CTNNA3: variants seen among roughly 807,000 people sequenced by gnomAD.
The protein encoded by CTNNA3 is catenin alpha 3, also known as catenin alpha-3.
Under a neutral mutation model 95.7 loss-of-function variants are expected in CTNNA3, and 76 were observed. The ratio of observed to expected loss-of-function variants is 0.79; its 90% CI spans 0.66 to 0.96. The LOEUF (loss-of-function observed/expected upper bound fraction) is 0.96. Ranked by LOEUF, CTNNA3 falls within the 40% of genes least tolerant of loss-of-function variation. CTNNA3 has a pLI of 0.00. For missense variants in CTNNA3, 1,191 were observed against 1,089.8 expected (o/e 1.09, Z -1.31); for synonymous variants, 431 against 374.4 (o/e 1.15, Z -1.74).
At chr10:66,240,399 A>T (rs7071648) in intron 13 of CTNNA3, among the ~76,000 whole-genome samples, 22,466 of 152,050 alleles carry the variant, frequency 0.15, 2,126 homozygotes, top group Admixed American at 0.25. Context: ...TATCATCCAC[A>T]TGTTTTCATC....
chr10:67,592,378 G>A (rs1193798403), intron 3 of CTNNA3, among the ~76,000 whole-genome samples: 2 of 152,092 alleles, frequency 1.3e-5, no homozygotes, highest in East Asian at 3.9e-4. Context: ...GGCAGCAGGA[G>A]TAAAATTGCT....
chr10:67,408,276 T>C (rs1245941088), intron 5 of CTNNA3, among the ~76,000 whole-genome samples: 1 of 151,226 alleles, frequency 6.6e-6, no homozygotes, highest in African/African-American at 2.4e-5. Context: ...AGAACTCGTA[T>C]AGCCAATCCT....
At chr10:67,425,489 A>G (rs1845891580) in intron 5 of CTNNA3, among the ~76,000 whole-genome samples, 1 of 152,124 alleles carries the variant, frequency 6.6e-6, no homozygotes, top group Admixed American at 6.6e-5. Flanking sequence ...TTGGTTCTGC[A>G]GAACTGGAAT....
In CTNNA3 at chr10:66,886,711, C is replaced by T. The variant is rs143919609; in HGVS notation, c.1048-111187G>A. 4.1e-3 allele frequency among the ~76,000 whole-genome samples: 631 copies of T among 152,222 alleles called. 3 individuals carry two copies. Among genetic ancestry groups the T allele is most frequent in the Non-Finnish European group, 5.3e-3 (361 of 68,010 alleles). On this transcript the variant is annotated intron_variant, in intron 7 of 17. Transcript: ENST00000433211. ...GCTGGAATTCTGTCTCATGTCTAAT[C>T]CCATTCCATACCTGCATCCCGTTTC...
At chr10:67,515,071 C>T (rs1231106477) in intron 5 of CTNNA3, among the ~76,000 whole-genome samples, 2 of 152,104 alleles carry the variant, frequency 1.3e-5, no homozygotes, top group Non-Finnish European at 2.9e-5. Flanking sequence ...TTATCATGAC[C>T]ATTAACTATC....
chr10:67,139,214 C>T (rs1051910351), intron 7 of CTNNA3, among the ~76,000 whole-genome samples: 2 of 152,010 alleles, frequency 1.3e-5, no homozygotes, highest in Non-Finnish European at 2.9e-5. Flanking sequence ...CTCACTGCAA[C>T]CTCCGCCTCC....
intron 7 of CTNNA3, among the ~76,000 whole-genome samples, chr10:66,875,090 T>C (rs529644385): frequency 1.3e-5 from 2 of 152,218 alleles, no homozygotes; most frequent in Admixed American, 6.5e-5. Flanking sequence ...GCTAGACAAG[T>C]GGTGCTGATG....
At chr10:66,215,615 C>T (rs1333464517) in intron 13 of CTNNA3, among the ~76,000 whole-genome samples, 1 of 152,112 alleles carries the variant, frequency 6.6e-6, no homozygotes, top group Non-Finnish European at 1.5e-5. Flanking sequence ...ACTGTTAATA[C>T]ACAAAGCTAA....
intron 1 of CTNNA3, among the ~76,000 whole-genome samples, chr10:67,673,372 C>CA: frequency 1.3e-5 from 2 of 148,914 alleles, no homozygotes. Flanking sequence ...TGCCTAATTG[C>CA]CCTGGCCAGA....
chr10:67,425,426 A>C (rs944170310), intron 5 of CTNNA3, among the ~76,000 whole-genome samples: 4 of 152,014 alleles, frequency 2.6e-5, no homozygotes, highest in Non-Finnish European at 4.4e-5. Flanking sequence ...GAGATGGGTG[A>C]TCAGGCAGAA....
At chr10:66,109,697 T>C (rs1211298644) in intron 13 of CTNNA3, among the ~76,000 whole-genome samples, 2 of 152,182 alleles carry the variant, frequency 1.3e-5, no homozygotes, top group African/African-American at 4.8e-5. Context: ...AATAACATTA[T>C]GTTTACAAGA....
chr10:66,045,675 T>G (rs2133514066), intron 15 of CTNNA3, among the ~76,000 whole-genome samples: 1 of 152,250 alleles, frequency 6.6e-6, no homozygotes. Context: ...ATAAGAATAT[T>G]GTGGTAGAAA....
At chr10:67,031,067 T>C (rs1293684064) in intron 7 of CTNNA3, among the ~76,000 whole-genome samples, 1 of 152,176 alleles carries the variant, frequency 6.6e-6, no homozygotes, top group Non-Finnish European at 1.5e-5. Context: ...AACACACATT[T>C]TACCCCGTCA....
intron 1 of CTNNA3, among the ~76,000 whole-genome samples, chr10:67,762,256 A>T (rs377056662): frequency 6.6e-6 from 1 of 152,160 alleles, no homozygotes; most frequent in East Asian, 1.9e-4. Context: ...CTAAAAGTTA[A>T]ATGTTAAATA....
rs144289830 is a variant in CTNNA3 at position 67,621,488 on chromosome 10, G to A, written c.100-14439C>T. On this transcript the variant is annotated intron_variant, in intron 2 of 17. Coordinates refer to ENST00000433211, the MANE Select transcript of CTNNA3 (RefSeq NM_013266.4). ...GTCTAGGCCAGGCGCAGTGGCTCAC[G>A]CCTGTAATCCCAGCACTTTGGGAGG... Among the ~76,000 whole-genome samples, 735 of 152,180 alleles carry A rather than the reference G, an allele frequency of 4.8e-3. 5 individuals carry two copies. The highest frequency in any genetic ancestry group is 0.017 in the African/African-American group (687 of 41,540).
At chr10:67,637,152 C>A (rs187404798) in intron 2 of CTNNA3, among the ~76,000 whole-genome samples, 3 of 152,070 alleles carry the variant, frequency 2.0e-5, no homozygotes. Context: ...GAATACCCAA[C>A]GCAGAGAAGT....
intron 13 of CTNNA3, among the ~76,000 whole-genome samples, chr10:66,199,585 AGTTT>A (rs534955423): frequency 1.3e-4 from 19 of 150,350 alleles, no homozygotes; most frequent in East Asian, 7.9e-4. Context: ...CAGACCAAAT[AGTTT>A]GTTTGTTTGT....
At chr10:66,177,936 T>A (rs561306267) in intron 13 of CTNNA3, among the ~76,000 whole-genome samples, 1 of 152,034 alleles carries the variant, frequency 6.6e-6, no homozygotes, top group African/African-American at 2.4e-5. Flanking sequence ...GCATATTTCT[T>A]TTCATAATTT....
At chr10:67,170,566 A>T (rs1861975389) in intron 7 of CTNNA3, among the ~76,000 whole-genome samples, 1 of 152,210 alleles carries the variant, frequency 6.6e-6, no homozygotes, top group Non-Finnish European at 1.5e-5. Flanking sequence ...GAGCTAAATG[A>T]CAAGAACTTA....
Sources: gnomAD v4.1 joint callset for allele counts (sites outside exome capture counted in the v4.1 genomes callset) on GRCh38, gnomAD v4.1.1 for gene constraint, MANE v1.5 for transcripts, NCBI Gene and HGNC (gene_info 2026-07-23, HGNC 2026-07-21) for gene names.